RIT2: variants seen among roughly 807,000 people sequenced by gnomAD.
RIT2 encodes GTP-binding protein Rit2.
A neutral mutation model predicts 23.7 loss-of-function variants in RIT2; 24 were observed. That is an observed-to-expected ratio of 1.01 (90% CI 0.73 to 1.43). The LOEUF (loss-of-function observed/expected upper bound fraction) is 1.43, where lower values mean the gene tolerates loss of function less well. RIT2 is among the 40% of genes most tolerant of loss of function. The pLI, the probability that RIT2 is intolerant of heterozygous loss-of-function variation, is 0.00. For missense variants in RIT2, 236 were observed against 266.9 expected, an observed-to-expected ratio of 0.88 and a Z score of 0.81; for synonymous variants, 107 against 91.1, an observed-to-expected ratio of 1.17 and a Z score of -0.99.
intron 1 of RIT2, among the ~76,000 whole-genome samples, chr18:43,039,281 C>T (rs1912068126): frequency 6.6e-6 from 1 of 151,804 alleles, no homozygotes; most frequent in South Asian, 2.1e-4. Context: ...AGTCTTCCCT[C>T]TTTCCATCCT....
At chr18:42,769,869 T>TA (rs1274683648) in intron 4 of RIT2, among the ~76,000 whole-genome samples, 1 of 148,110 alleles carries the variant, frequency 6.8e-6, no homozygotes, top group Non-Finnish European at 1.5e-5. Flanking sequence ...ATAATAATAA[T>TA]AATAATAATA....
chr18:43,069,802 C>T (rs1453981632), intron 1 of RIT2, among the ~76,000 whole-genome samples: 1 of 152,070 alleles, frequency 6.6e-6, no homozygotes. Flanking sequence ...CAAATATTCA[C>T]AAAGCTTTTT....
At chr18:42,990,518 G>A (rs1017633178) in intron 2 of RIT2, among the ~76,000 whole-genome samples, 1 of 152,130 alleles carries the variant, frequency 6.6e-6, no homozygotes, top group Non-Finnish European at 1.5e-5. Flanking sequence ...ACTCCCTATT[G>A]AACTTCTACA....
chr18:42,849,160 A>T (rs1008765177), intron 4 of RIT2, among the ~76,000 whole-genome samples: 1 of 151,454 alleles, frequency 6.6e-6, no homozygotes, highest in Non-Finnish European at 1.5e-5. Context: ...AACCCAGGCA[A>T]TCTGGGCCCA....
intron 3 of RIT2, among the ~76,000 whole-genome samples, chr18:42,971,527 TA>T (rs1411468075): frequency 2.0e-5 from 3 of 151,734 alleles, no homozygotes; most frequent in Admixed American, 6.6e-5. Context: ...CATATGTAAC[TA>T]AAAAATGTTC....
chr18:42,928,997 G>A (rs1373646354), intron 3 of RIT2, among the ~76,000 whole-genome samples: 2 of 121,060 alleles, frequency 1.7e-5, no homozygotes, highest in Non-Finnish European at 3.3e-5. Context: ...ATTTGAGATT[G>A]CTAAAATGAA....
intron 4 of RIT2, among the ~76,000 whole-genome samples, chr18:42,858,484 C>T (rs4890240): frequency 0.1 from 15,555 of 152,056 alleles, 942 homozygotes; most frequent in Middle Eastern, 0.24. Context: ...AGCGTTAATG[C>T]CACAAAGGAG....
chr18:42,965,143 A>G (rs1330509555), intron 3 of RIT2, among the ~76,000 whole-genome samples: 1 of 152,242 alleles, frequency 6.6e-6, no homozygotes, highest in East Asian at 1.9e-4. Context: ...TTCAGAGAAC[A>G]TGATCCATGT....
intron 1 of RIT2, among the ~76,000 whole-genome samples, chr18:43,070,805 A>G (rs1227423046): frequency 6.6e-6 from 1 of 152,202 alleles, no homozygotes; most frequent in Non-Finnish European, 1.5e-5. Flanking sequence ...TAATCCAGTC[A>G]GTTAAATGTC....
intron 4 of RIT2, among the ~76,000 whole-genome samples, chr18:42,867,596 G>C (rs1387901497): frequency 6.6e-6 from 1 of 150,600 alleles, no homozygotes; most frequent in East Asian, 2.0e-4. Context: ...GACCAGCCTA[G>C]GCAACATAAC....
intron 4 of RIT2, among the ~76,000 whole-genome samples, chr18:42,906,592 A>G (rs1908627964): frequency 6.6e-6 from 1 of 152,162 alleles, no homozygotes; most frequent in African/African-American, 2.4e-5. Context: ...GAATTCTAAG[A>G]GAAAAGCCAC....
chr18:42,940,368 C>T (rs1909571199), intron 3 of RIT2, among the ~76,000 whole-genome samples: 1 of 146,666 alleles, frequency 6.8e-6, no homozygotes, highest in Non-Finnish European at 1.5e-5. Context: ...TATTCACTAA[C>T]ATTATATATA....
chr18:42,782,452 T>G (rs1913832314), intron 4 of RIT2, among the ~76,000 whole-genome samples: 1 of 152,082 alleles, frequency 6.6e-6, no homozygotes, highest in Non-Finnish European at 1.5e-5. Context: ...ATGTGTTCAT[T>G]TATACACGTA....
chr18:43,083,209 G>A (rs184146447), intron 1 of RIT2, among the ~76,000 whole-genome samples: 59 of 152,016 alleles, frequency 3.9e-4, no homozygotes, highest in African/African-American at 1.4e-3. Context: ...ACTACAAACT[G>A]CTGCTCAAGA....
At chr18:42,791,469 CA>C (rs776945611) in intron 4 of RIT2, among the ~76,000 whole-genome samples, 2 of 152,126 alleles carry the variant, frequency 1.3e-5, no homozygotes, top group Non-Finnish European at 2.9e-5. Context: ...AAAACTTTTG[CA>C]AGTACCCAAA....
chr18:42,971,688 T>C (rs991406243), intron 3 of RIT2, among the ~76,000 whole-genome samples: 1 of 152,054 alleles, frequency 6.6e-6, no homozygotes, highest in African/African-American at 2.4e-5. Flanking sequence ...CATGTGTGGG[T>C]AGACTGGGCT....
intron 1 of RIT2, among the ~76,000 whole-genome samples, chr18:43,111,772 G>C (rs1331690995): frequency 6.6e-6 from 1 of 152,074 alleles, no homozygotes; most frequent in Non-Finnish European, 1.5e-5. Flanking sequence ...CTTACTCTGT[G>C]TAAAAATTGG....
At chr18:42,825,884 T>C (rs1009685809) in intron 4 of RIT2, among the ~76,000 whole-genome samples, 1 of 152,008 alleles carries the variant, frequency 6.6e-6, no homozygotes, top group Admixed American at 6.5e-5. Flanking sequence ...TTTACAACTC[T>C]GTAAGTTGTA....
intron 2 of RIT2, among the ~76,000 whole-genome samples, chr18:43,021,228 G>T (rs919369364): frequency 3.3e-5 from 5 of 151,946 alleles, no homozygotes; most frequent in Admixed American, 6.6e-5. Flanking sequence ...CACAGAACTC[G>T]AAAGGATATT....
Sources: allele counts gnomAD v4.1 joint callset (sites outside exome capture counted in the v4.1 genomes callset), GRCh38; gene constraint gnomAD v4.1.1; transcripts MANE v1.5; gene names NCBI Gene and HGNC (gene_info 2026-07-23, HGNC 2026-07-21).